The following CAMK4 variants were observed in gnomAD, a reference collection of about 807,000 sequenced individuals.
CAMK4 encodes the protein calcium/calmodulin-dependent protein kinase type IV.
CAMK4 carries 22 observed loss-of-function variants against 44.9 expected under a neutral mutation model. The observed-to-expected ratio is 0.49, with a 90% CI of 0.35 to 0.70. The LOEUF is 0.70. CAMK4 is among the 30% of genes least tolerant of loss of function. The probability of loss-of-function intolerance (pLI) is 0.01; values close to 1 mark genes in which losing one functional copy is unlikely to be tolerated. For missense variants in CAMK4, 498 were observed against 586.8 expected, an observed-to-expected ratio of 0.85 and a Z score of 1.56; for synonymous variants, 218 against 215.4, an observed-to-expected ratio of 1.01 and a Z score of -0.11.
chr5:111,346,236 C>T (rs1339723465), intron 2 of CAMK4, among the ~76,000 whole-genome samples: 1 of 151,704 alleles, frequency 6.6e-6, no homozygotes, highest in Non-Finnish European at 1.5e-5. Flanking sequence ...AGAATTCAGC[C>T]AAGGGGTCTG....
intron 2 of CAMK4, among the ~76,000 whole-genome samples, chr5:111,350,144 C>T (rs992513009): frequency 6.6e-6 from 1 of 151,966 alleles, no homozygotes; most frequent in Non-Finnish European, 1.5e-5. Flanking sequence ...TCTGTTTTTT[C>T]ATCTTTAAAA....
At chr5:111,258,626 C>G (rs1258061303) in intron 1 of CAMK4, among the ~76,000 whole-genome samples, 1 of 151,984 alleles carries the variant, frequency 6.6e-6, no homozygotes, top group Non-Finnish European at 1.5e-5. Flanking sequence ...GTTACCAACC[C>G]CCTGCCCAGG....
intron 7 of CAMK4, chr5:111,449,995 G>A (rs888750091): frequency 6.6e-6 from 1 of 152,174 alleles, no homozygotes; most frequent in Non-Finnish European, 1.5e-5. Flanking sequence ...TCAATCACAA[G>A]ATTAGTGATC....
At position 111,260,635 on chromosome 5, in the gene CAMK4, C is replaced by G. The variant is rs1749932903; in HGVS notation, c.161+35991C>G. 3.3e-5 allele frequency among the ~76,000 whole-genome samples: 5 copies of G among 152,302 alleles called. No individual in the cohort carries two copies. The South Asian group carries it at 1.0e-3, about 32-fold the overall frequency. On this transcript the variant is annotated intron_variant, in intron 1 of 10. Transcript: ENST00000282356. The stretch of plus-strand genomic sequence containing the variant: ...TTATCCTCCTCCAGAAACACTGCCT[C>G]TCTTCCTGTCTTTTCTTACACTTCC...
In CAMK4 at chr5:111,450,837, C is replaced by T. The variant is rs78951393; in HGVS notation, c.625+1634C>T. 9.9e-3 allele frequency among the ~76,000 whole-genome samples: 1,501 copies of T among 151,478 alleles called. 9 individuals are homozygous for T. Among genetic ancestry groups the T allele is most frequent in the Non-Finnish European group, 0.016 (1,069 of 67,876 alleles). ...AATGCAAACCAAGAAATTATAGCGT[C>T]TTAAGAAATATTGTGTTGTATGTAT... is the stretch of plus-strand genomic sequence containing the variant. On this transcript the variant is annotated intron_variant, in intron 7 of 10. Coordinates refer to ENST00000282356, the MANE Select transcript of CAMK4 (RefSeq NM_001744.6).
chr5:111,228,509 GGT>G (rs373248608), intron 1 of CAMK4, among the ~76,000 whole-genome samples: 1,826 of 145,280 alleles, frequency 0.013, 25 homozygotes, highest in South Asian at 0.041. Flanking sequence ...CATAGTAAGG[GGT>G]GTGTGTGTGT....
rs559485331 is a variant in CAMK4, at chr5:111,424,592, C to T, written c.460-22094C>T. On this transcript the variant is annotated intron_variant, in intron 5 of 10. Transcript: ENST00000282356. ...CGCGAATAGCTGGGACTACAGGTGCCCACCACCACGCCCGGCTAATTTTTA... is the reference window on the plus strand; with the variant it reads ...CGCGAATAGCTGGGACTACAGGTGCTCACCACCACGCCCGGCTAATTTTTA... 5.3e-5 allele frequency among the ~76,000 whole-genome samples: 8 copies of T among 151,312 alleles called. No homozygotes were observed. In the South Asian group the frequency reaches 1.7e-3, roughly 32 times the overall value.
chr5:111,389,373 A>G (rs1423894070), intron 4 of CAMK4, among the ~76,000 whole-genome samples: 1 of 152,206 alleles, frequency 6.6e-6, no homozygotes, highest in African/African-American at 2.4e-5. Flanking sequence ...CACAGTAGGC[A>G]CTTAACCCTA....
chr5:111,358,120 T>G (rs941039869), intron 2 of CAMK4: 1 of 152,132 alleles, frequency 6.6e-6, no homozygotes, highest in African/African-American at 2.4e-5. Context: ...AGCGGAGTGC[T>G]GCTTGTAAGT....
chr5:111,344,046 A>G lies in CAMK4; in HGVS notation c.184A>G (p.Arg62Gly). 6.2e-7 allele frequency: 1 copy of G among 1,605,638 alleles called. No homozygotes were observed. The highest frequency in any genetic ancestry group is 1.3e-5 in the African/African-American group (1 of 74,622). The change falls in exon 2 of 11, where the codon AGA (arginine) becomes GGA (glycine). Residue 62 changes from arginine to glycine, a missense_variant. Physicochemically the swap from Arg to Gly is moderately radical, Grantham distance 125. Transcript: ENST00000282356. ...AAGGGGTGCTACATCCATTGTGTAC[A>G]GATGCAAACAGAAGGGGACCCAGAA... The part of the protein sequence containing the change: ...LGRGATSIVY[R>G]CKQKGTQKPY...
chr5:111,285,828 C>T (rs1751219122), intron 1 of CAMK4, among the ~76,000 whole-genome samples: 1 of 152,166 alleles, frequency 6.6e-6, no homozygotes, highest in Admixed American at 6.5e-5. Context: ...CGTGTGATGA[C>T]AGAGCAGTGT....
At position 111,487,587 on chromosome 5, in the gene CAMK4, T is replaced by C. The variant is rs554265878; in HGVS notation, c.*3121T>C. ...GAAAGTATAGTATTTTTAATCCAAT[T>C]CATCCAAATTATTCTATCGATATAT... On this transcript the variant is annotated 3_prime_UTR_variant, in exon 11 of 11. Transcript: ENST00000282356. 1 of 152,300 alleles carries C rather than the reference T, an allele frequency of 6.6e-6. No individual in the cohort carries two copies. The highest frequency in any genetic ancestry group is 2.1e-4 in the South Asian group (1 of 4,826). The allele number at this position is 152,300 out of a possible 1,614,324, so 9.4% of individuals were successfully genotyped here.
intron 1 of CAMK4, among the ~76,000 whole-genome samples, chr5:111,268,043 G>A (rs534446282): frequency 5.7e-4 from 87 of 152,276 alleles, no homozygotes; most frequent in African/African-American, 2.0e-3. Flanking sequence ...CACTCAACAG[G>A]CAGATTGGCA....
chr5:111,347,868 G>GATAA (rs1435986751), intron 2 of CAMK4, among the ~76,000 whole-genome samples: 12 of 151,932 alleles, frequency 7.9e-5, no homozygotes, highest in Non-Finnish European at 1.3e-4. Context: ...TGTAAGGGAG[G>GATAA]ACCTCTAAGA....
intron 2 of CAMK4, among the ~76,000 whole-genome samples, chr5:111,365,548 A>G (rs1750760169): frequency 6.6e-6 from 1 of 152,032 alleles, no homozygotes; most frequent in South Asian, 2.1e-4. Context: ...TGGGAAAATG[A>G]CTACAATGAG....
chr5:111,428,697 A>T (rs1753320365), intron 5 of CAMK4, among the ~76,000 whole-genome samples: 1 of 152,196 alleles, frequency 6.6e-6, no homozygotes, highest in South Asian at 2.1e-4. Flanking sequence ...AAGACAAAAG[A>T]ATAAAAAACA....
At chr5:111,244,091 C>T (rs1040370623) in intron 1 of CAMK4, among the ~76,000 whole-genome samples, 7 of 152,136 alleles carry the variant, frequency 4.6e-5, no homozygotes, top group South Asian at 2.1e-4. Flanking sequence ...TTGTCTCTGA[C>T]GTACTTCCTT....
intron 8 of CAMK4, among the ~76,000 whole-genome samples, chr5:111,476,270 TTTGTG>T (rs1561511403): frequency 8.9e-5 from 12 of 135,574 alleles, no homozygotes; most frequent in Admixed American, 2.2e-4. Flanking sequence ...TGTGTGTGTG[TTTGTG>T]TGTGTGTGTG....
chr5:111,361,647 A>G (rs1212892297), intron 2 of CAMK4, among the ~76,000 whole-genome samples: 1 of 152,044 alleles, frequency 6.6e-6, no homozygotes, highest in Non-Finnish European at 1.5e-5. Context: ...CTTAGATGTG[A>G]CCCTGGTGGT....
Sources: allele counts gnomAD v4.1 joint callset (sites outside exome capture counted in the v4.1 genomes callset), GRCh38; gene constraint gnomAD v4.1.1; transcripts MANE v1.5; gene names NCBI Gene and HGNC (gene_info 2026-07-23, HGNC 2026-07-21).